Variants in GRM8 observed in about 807,000 individuals in gnomAD.
GRM8 encodes the protein glutamate metabotropic receptor 8, also known as metabotropic glutamate receptor 8.
In GRM8, 47 loss-of-function variants were observed where a neutral mutation model predicts 87.2. The observed-to-expected ratio is 0.54, with a 90% CI of 0.43 to 0.69. GRM8 has a LOEUF of 0.69. Ranked by LOEUF, GRM8 falls within the 30% of genes least tolerant of loss-of-function variation. The pLI, the probability that GRM8 is intolerant of heterozygous loss-of-function variation, is 0.00. For missense variants in GRM8, 1,019 were observed against 1,139.2 expected, an observed-to-expected ratio of 0.89 and a Z score of 1.52; for synonymous variants, 396 against 404.5, an observed-to-expected ratio of 0.98 and a Z score of 0.25.
Position 126,761,424 on chromosome 7 carries a change from T to A in GRM8, c.1357+8441A>T, listed in dbSNP as rs140725286. ...AATAATTCTGTATTTCCTTCCTCTA[T>A]CTTTGACTTCTTTCCATTTCACATG... is the stretch of plus-strand genomic sequence containing the variant. On this transcript the variant is annotated intron_variant, in intron 7 of 10. Coordinates refer to ENST00000339582, the MANE Select transcript of GRM8 (RefSeq NM_000845.3). Among the ~76,000 whole-genome samples, 3 of 152,248 alleles carry A rather than the reference T, an allele frequency of 2.0e-5. No homozygotes were observed. The East Asian group carries it at 5.8e-4, about 29-fold the overall frequency.
intron 2 of GRM8, among the ~76,000 whole-genome samples, chr7:127,199,418 CCT>C (rs1795470826): frequency 2.0e-5 from 3 of 152,208 alleles, no homozygotes; most frequent in Non-Finnish European, 4.4e-5. Flanking sequence ...AGACAAAGAA[CCT>C]TTCAGCTATT....
At chr7:126,684,621 G>C (rs532856917) in intron 7 of GRM8, among the ~76,000 whole-genome samples, 68 of 152,322 alleles carry the variant, frequency 4.5e-4, no homozygotes, top group African/African-American at 1.5e-3. Context: ...GTATAATGGA[G>C]TTGCATCTCT....
chr7:127,115,508 TTAG>T, intron 2 of GRM8, among the ~76,000 whole-genome samples: 1 of 152,328 alleles, frequency 6.6e-6, no homozygotes. Flanking sequence ...ATATCATGTT[TTAG>T]AAAGAAATGT....
chr7:126,492,244 T>C (rs894969249), intron 9 of GRM8, among the ~76,000 whole-genome samples: 1 of 151,616 alleles, frequency 6.6e-6, no homozygotes, highest in Non-Finnish European at 1.5e-5. Context: ...AGAGACGGGG[T>C]TTCGCCACGT....
At chr7:126,673,943 T>A (rs1806668230) in intron 7 of GRM8, among the ~76,000 whole-genome samples, 1 of 152,212 alleles carries the variant, frequency 6.6e-6, no homozygotes, top group Non-Finnish European at 1.5e-5. Context: ...TCACTGATAC[T>A]GCACACTGAC....
intron 7 of GRM8, among the ~76,000 whole-genome samples, chr7:126,650,239 G>A (rs1022812282): frequency 2.6e-5 from 4 of 152,152 alleles, no homozygotes; most frequent in African/African-American, 9.7e-5. Context: ...GAAGTTATAT[G>A]AGGAAATGGC....
intron 8 of GRM8, among the ~76,000 whole-genome samples, chr7:126,564,276 A>G (rs1253564573): frequency 6.6e-6 from 1 of 152,166 alleles, no homozygotes; most frequent in Non-Finnish European, 1.5e-5. Flanking sequence ...ATCAAAGAAG[A>G]TGCTAGTTGA....
At chr7:126,907,570 A>G (rs1802849286) in intron 3 of GRM8, among the ~76,000 whole-genome samples, 2 of 152,058 alleles carry the variant, frequency 1.3e-5, no homozygotes, top group Admixed American at 1.3e-4. Context: ...GGAGTGGGCA[A>G]CAAAAATGAG....
At position 127,141,065 on chromosome 7, in the gene GRM8, T is replaced by G. The variant is rs111929432; in HGVS notation, c.511-34353A>C. Among the ~76,000 whole-genome samples the G allele has an allele frequency of 7.9e-4, 121 of 152,220 alleles. 2 individuals are homozygous for G. The highest frequency in any genetic ancestry group is 2.8e-3 in the African/African-American group (116 of 41,508). ...TTGGAATTCCAAATATTACCTTCTT[T>G]GGAGGTGACCATCACTGAGCTTCCA... is the stretch of plus-strand genomic sequence containing the variant. On this transcript the variant is annotated intron_variant, in intron 2 of 10. Coordinates refer to ENST00000339582, the MANE Select transcript of GRM8 (RefSeq NM_000845.3).
chr7:126,829,725 G>A (rs1458428068), intron 6 of GRM8, among the ~76,000 whole-genome samples: 2 of 151,878 alleles, frequency 1.3e-5, no homozygotes, highest in African/African-American at 2.4e-5. Flanking sequence ...ATTGTTATAT[G>A]TGAATTTGAT....
intron 9 of GRM8, among the ~76,000 whole-genome samples, chr7:126,497,929 G>A (rs115732957): frequency 3.7e-4 from 56 of 152,022 alleles, no homozygotes; most frequent in African/African-American, 1.3e-3. Flanking sequence ...TTCTTGAATG[G>A]AACATAAAGT....
rs369197016 is a variant in GRM8, at chr7:126,595,324, C to G, written c.1494+14038G>C. 5.9e-4 allele frequency among the ~76,000 whole-genome samples: 90 copies of G among 151,834 alleles called. No individual in the cohort carries two copies. The East Asian group carries it at 0.015, about 26-fold the overall frequency. Reference sequence around the variant, plus strand: ...GCAGTTCACGGCAACCTCCCCTTCCCCAGTAGCTGGGACTACAGGCACACA... The same window carrying G: ...GCAGTTCACGGCAACCTCCCCTTCCGCAGTAGCTGGGACTACAGGCACACA... On this transcript the variant is annotated intron_variant, in intron 8 of 10. Transcript: ENST00000339582.
chr7:126,922,497 G>A (rs1245349545), intron 3 of GRM8, among the ~76,000 whole-genome samples: 2 of 152,136 alleles, frequency 1.3e-5, no homozygotes, highest in African/African-American at 4.8e-5. Context: ...AGAGCTAAAG[G>A]GGTTGGAAAT....
intron 3 of GRM8, among the ~76,000 whole-genome samples, chr7:126,955,006 T>G (rs13224108): frequency 0.15 from 23,154 of 152,196 alleles, 2,035 homozygotes; most frequent in Non-Finnish European, 0.21. Context: ...GGCTTCAGAA[T>G]GAGGAGAGCT....
Position 126,907,727 on chromosome 7 carries a change from C to T in GRM8, c.728-3044G>A, listed in dbSNP as rs549428682. 6.2e-4 allele frequency among the ~76,000 whole-genome samples: 94 copies of T among 152,214 alleles called. 1 individual carries two copies. Among genetic ancestry groups the T allele is most frequent in the Middle Eastern group, 3.4e-3 (1 of 294 alleles). On this transcript the variant is annotated intron_variant, in intron 3 of 10. Coordinates refer to ENST00000339582, the MANE Select transcript of GRM8 (RefSeq NM_000845.3). ...ATATGTCTCATGTATGAGCATTGCA[C>T]TCCACGGAAGAAAAATGGATGACGA...
At chr7:126,516,449 G>T (rs907418532) in intron 9 of GRM8, among the ~76,000 whole-genome samples, 1 of 152,022 alleles carries the variant, frequency 6.6e-6, no homozygotes, top group Admixed American at 6.6e-5. Context: ...ATGTTGGAAT[G>T]GTTTCAAATA....
intron 7 of GRM8, among the ~76,000 whole-genome samples, chr7:126,694,531 T>G (rs1031874893): frequency 2.0e-5 from 3 of 152,088 alleles, no homozygotes; most frequent in Admixed American, 2.0e-4. Context: ...CAGCTGTTAC[T>G]TACTCAATTT....
intron 7 of GRM8, among the ~76,000 whole-genome samples, chr7:126,722,542 G>GTGTA (rs1812498608): frequency 6.6e-6 from 1 of 152,128 alleles, no homozygotes; most frequent in African/African-American, 2.4e-5. Flanking sequence ...TTATGTCACT[G>GTGTA]TGTAGCTTAA....
intron 10 of GRM8, among the ~76,000 whole-genome samples, chr7:126,439,858 C>T (rs867264422): frequency 2.6e-5 from 1 of 38,496 alleles, no homozygotes; most frequent in Non-Finnish European, 6.1e-5. Context: ...GTGTGTGTGT[C>T]TTAGTTTTTA....
Sources: allele counts gnomAD v4.1 joint callset (sites outside exome capture counted in the v4.1 genomes callset), GRCh38; gene constraint gnomAD v4.1.1; transcripts MANE v1.5; gene names NCBI Gene and HGNC (gene_info 2026-07-23, HGNC 2026-07-21).